Variants in DOCK1 observed in about 807,000 individuals in gnomAD.
DOCK1 encodes the protein dedicator of cytokinesis 1, also known as dedicator of cytokinesis protein 1.
Under a neutral mutation model 262.7 loss-of-function variants are expected in DOCK1, and 138 were observed. The ratio of observed to expected loss-of-function variants is 0.53; its 90% CI spans 0.46 to 0.61. The LOEUF is 0.61. Among genes scored for constraint, DOCK1 ranks in the 20% least tolerant of loss-of-function variants. The pLI is 0.00. For synonymous variants in DOCK1, 866 were observed against 867.4 expected (o/e 1.00, Z 0.03); for missense variants, 1,908 against 2,370.7 (o/e 0.80, Z 4.05).
chr10:127,188,606 T>A (rs2056486410), intron 27 of DOCK1, among the ~76,000 whole-genome samples: 1 of 152,138 alleles, frequency 6.6e-6, no homozygotes, highest in Admixed American at 6.5e-5. Flanking sequence ...GCTAACGTGG[T>A]TAATTTCTGG....
chr10:127,093,487 G>T lies in DOCK1; in HGVS notation c.2446-12744G>T, dbSNP rs560971189. On this transcript the variant is annotated intron_variant, in intron 23 of 51. Transcript: ENST00000623213. The stretch of plus-strand genomic sequence containing the variant: ...CCTACCTCAGCCTCCCAAGTAGCTG[G>T]GATCACAGACGCGTGCCATTGCGCC... 3.3e-5 allele frequency among the ~76,000 whole-genome samples: 5 copies of T among 151,392 alleles called. No homozygotes were observed. The South Asian group carries it at 1.0e-3, about 32-fold the overall frequency.
chr10:127,407,913 G>A (rs560956777), intron 40 of DOCK1, among the ~76,000 whole-genome samples: 80 of 152,142 alleles, frequency 5.3e-4, no homozygotes, highest in African/African-American at 1.7e-3. Flanking sequence ...TTTTCATTTC[G>A]GTTGAGACAG....
chr10:127,052,252 C>A (rs142815272), intron 21 of DOCK1, among the ~76,000 whole-genome samples: 1 of 152,314 alleles, frequency 6.6e-6, no homozygotes, highest in East Asian at 1.9e-4. Flanking sequence ...ACAGGCCGTG[C>A]AGTGGCTTAC....
At chr10:127,111,771 C>T (rs1382354201) in intron 25 of DOCK1, among the ~76,000 whole-genome samples, 1 of 152,172 alleles carries the variant, frequency 6.6e-6, no homozygotes, top group Non-Finnish European at 1.5e-5. Context: ...ACTGCATCAC[C>T]AGCACTACCG....
chr10:127,284,307 A>C (rs576732664), intron 29 of DOCK1, among the ~76,000 whole-genome samples: 1 of 152,092 alleles, frequency 6.6e-6, no homozygotes, highest in Non-Finnish European at 1.5e-5. Flanking sequence ...TTTACATACA[A>C]ATATTTAATT....
chr10:127,225,653 G>GTT (rs1488390384), intron 27 of DOCK1, among the ~76,000 whole-genome samples: 1 of 152,242 alleles, frequency 6.6e-6, no homozygotes, highest in Non-Finnish European at 1.5e-5. Flanking sequence ...AGTCTTTTGA[G>GTT]TTTTAACTGT....
chr10:127,213,094 C>T (rs1395866648), intron 27 of DOCK1, among the ~76,000 whole-genome samples: 1 of 152,130 alleles, frequency 6.6e-6, no homozygotes. Flanking sequence ...CTTTAGACAC[C>T]TTACTTCTTG....
chr10:127,331,501 T>TG (rs1238405371), intron 29 of DOCK1, among the ~76,000 whole-genome samples: 1 of 152,118 alleles, frequency 6.6e-6, no homozygotes, highest in African/African-American at 2.4e-5. Context: ...AGATTGGTCT[T>TG]GAACTCCTGG....
chr10:126,962,306 C>T (rs924798514), intron 1 of DOCK1, among the ~76,000 whole-genome samples: 29 of 152,292 alleles, frequency 1.9e-4, no homozygotes, highest in African/African-American at 4.3e-4. Context: ...ACTCCAGGCG[C>T]GTGCCGCCAT....
At chr10:126,977,917 TACTA>T (rs1251399342) in intron 2 of DOCK1, 27 bp from the exon 3 acceptor site, 1 of 1,612,594 alleles carries the variant, frequency 6.2e-7, no homozygotes, top group Middle Eastern at 1.7e-4. Flanking sequence ...TGTCTCTTTG[TACTA>T]ACTGTTTCAA....
Position 127,176,378 on chromosome 10 carries a change from G to A in DOCK1, c.2847+48614G>A, listed in dbSNP as rs372783138. 3.5e-4 allele frequency: 571 copies of A among 1,608,764 alleles called. No homozygotes were observed. Among genetic ancestry groups the A allele is most frequent in the Middle Eastern group, 9.9e-4 (6 of 6,044 alleles). ...CCGACGTTGTGAGTATGCATTTGCC[G>A]GTGTCCTTACTGACCATGGTTCCTG... On this transcript the variant is annotated intron_variant, in intron 27 of 51. Transcript: ENST00000623213. The surrounding 1 kb of genome is among the most constrained non-coding windows in gnomAD (Gnocchi z 4.4).
chr10:126,941,041 C>T (rs1400776907), intron 1 of DOCK1, among the ~76,000 whole-genome samples: 4 of 152,170 alleles, frequency 2.6e-5, no homozygotes, highest in South Asian at 4.1e-4. Context: ...TCACATTTTT[C>T]CATCACAATA....
At chr10:127,265,718 T>G (rs2060329645) in intron 29 of DOCK1, among the ~76,000 whole-genome samples, 1 of 152,224 alleles carries the variant, frequency 6.6e-6, no homozygotes, top group Non-Finnish European at 1.5e-5. Flanking sequence ...TTAAATAGAA[T>G]GCATTTCCTC....
At chr10:127,043,574 A>G (rs142604857) in intron 21 of DOCK1, among the ~76,000 whole-genome samples, 12 of 152,316 alleles carry the variant, frequency 7.9e-5, no homozygotes, top group African/African-American at 2.6e-4. Context: ...GTACTTTGCA[A>G]TGTATCTCCT....
chr10:127,118,792 A>G (rs193239231), intron 25 of DOCK1, among the ~76,000 whole-genome samples: 202 of 152,320 alleles, frequency 1.3e-3, no homozygotes, highest in Non-Finnish European at 2.4e-3. Context: ...GAACAGAAAC[A>G]CTGTACAGGC....
intron 27 of DOCK1, among the ~76,000 whole-genome samples, chr10:127,230,522 C>A (rs2058801944): frequency 6.6e-6 from 1 of 152,078 alleles, no homozygotes. Flanking sequence ...TGAAGATTAT[C>A]CTTTCCTCAT....
At chr10:127,195,538 T>C (rs1212536991) in intron 27 of DOCK1, among the ~76,000 whole-genome samples, 37 of 148,426 alleles carry the variant, frequency 2.5e-4, no homozygotes, top group Non-Finnish European at 1.5e-5. Flanking sequence ...CCCCCGAAGT[T>C]AATCAGCCGT....
intron 29 of DOCK1, among the ~76,000 whole-genome samples, chr10:127,277,051 A>G (rs1391635802): frequency 2.0e-5 from 3 of 152,192 alleles, no homozygotes; most frequent in African/African-American, 7.2e-5. Flanking sequence ...TGGGGTGGCC[A>G]TGACTAAGGG....
At chr10:126,951,720 C>T (rs1489086526) in intron 1 of DOCK1, among the ~76,000 whole-genome samples, 1 of 151,824 alleles carries the variant, frequency 6.6e-6, no homozygotes, top group Non-Finnish European at 1.5e-5. Context: ...AAGAATAGAG[C>T]CTGGAGGCAG....
Sources: gnomAD v4.1 joint callset for allele counts (sites outside exome capture counted in the v4.1 genomes callset) on GRCh38, gnomAD v4.1.1 for gene constraint, Gnocchi (gnomAD v3.1) non-coding constraint, MANE v1.5 for transcripts, NCBI Gene and HGNC (gene_info 2026-07-23, HGNC 2026-07-21) for gene names.